NXPE2: variants seen among roughly 807,000 people sequenced by gnomAD.
The protein encoded by NXPE2 is NXPE family member 2.
A neutral mutation model predicts 34.4 loss-of-function variants in NXPE2; 34 were observed. That is an observed-to-expected ratio of 0.99 (90% CI 0.75 to 1.31). The LOEUF (loss-of-function observed/expected upper bound fraction) is 1.31, where lower values mean the gene tolerates loss of function less well. Among genes scored for constraint, NXPE2 ranks in the 40% most tolerant of loss-of-function variants. The pLI, the probability that NXPE2 is intolerant of heterozygous loss-of-function variation, is 0.00. For missense variants in NXPE2, 649 were observed against 672.5 expected, an observed-to-expected ratio of 0.97 and a Z score of 0.39; for synonymous variants, 235 against 231.3, an observed-to-expected ratio of 1.02 and a Z score of -0.15.
chr11:114,466,563 T>C, the NXPE2 span, among the ~76,000 whole-genome samples: 1 of 152,222 alleles, frequency 6.6e-6, no homozygotes, highest in South Asian at 2.1e-4. Context: ...TGAATATATA[T>C]ATATATTGTC....
At chr11:114,610,278 C>T in the NXPE2 span, among the ~76,000 whole-genome samples, 3 of 150,508 alleles carry the variant, frequency 2.0e-5, no homozygotes, top group African/African-American at 4.9e-5. Flanking sequence ...GTTGCCTACC[C>T]GGTGGATAAT....
chr11:114,503,230 T>C, the NXPE2 span, among the ~76,000 whole-genome samples: 1 of 152,176 alleles, frequency 6.6e-6, no homozygotes, highest in Admixed American at 6.5e-5. Flanking sequence ...CCCATCCATA[T>C]ACATAGAGCA....
At chr11:114,798,845 C>G in the NXPE2 span, among the ~76,000 whole-genome samples, 2 of 152,176 alleles carry the variant, frequency 1.3e-5, no homozygotes, top group Non-Finnish European at 2.9e-5. Flanking sequence ...CTGTGTCCAT[C>G]TCTTTCAATC....
chr11:114,529,855 G>A, the NXPE2 span: 913 of 266,400 alleles, frequency 3.4e-3, 11 homozygotes, highest in African/African-American at 0.018. Context: ...TATTTAAGGG[G>A]CAAAATTAAC....
chr11:114,664,616 A>G, the NXPE2 span, among the ~76,000 whole-genome samples: 1 of 152,190 alleles, frequency 6.6e-6, no homozygotes, highest in Non-Finnish European at 1.5e-5. Context: ...AGTTACATAT[A>G]TATAATTTTG....
chr11:114,725,551 C>T, the NXPE2 span, among the ~76,000 whole-genome samples: 1 of 151,918 alleles, frequency 6.6e-6, no homozygotes, highest in Non-Finnish European at 1.5e-5. Flanking sequence ...ATAGCCCCTT[C>T]AGGAAAGCAT....
the NXPE2 span, among the ~76,000 whole-genome samples, chr11:114,788,903 C>T: frequency 6.6e-6 from 1 of 152,116 alleles, no homozygotes; most frequent in South Asian, 2.1e-4. Context: ...ATTTTTACAC[C>T]ACTGGTTCCT....
At chr11:114,597,940 A>G in the NXPE2 span, among the ~76,000 whole-genome samples, 2 of 152,202 alleles carry the variant, frequency 1.3e-5, no homozygotes, top group South Asian at 2.1e-4. Flanking sequence ...TCAAAGTCTT[A>G]GTGAATTTCA....
At chr11:114,636,300 G>T in the NXPE2 span, among the ~76,000 whole-genome samples, 10 of 151,846 alleles carry the variant, frequency 6.6e-5, no homozygotes, top group Non-Finnish European at 1.5e-4. Context: ...CTGTGAGATC[G>T]GTGGTGATAT....
At chr11:114,493,127 G>A in the NXPE2 span, among the ~76,000 whole-genome samples, 1 of 151,890 alleles carries the variant, frequency 6.6e-6, no homozygotes, top group South Asian at 2.1e-4. Flanking sequence ...AGCTACTCCT[G>A]CTATACTTAA....
chr11:114,522,031 AG>A, the NXPE2 span: 1 of 1,613,972 alleles, frequency 6.2e-7, no homozygotes, highest in Non-Finnish European at 8.5e-7. Flanking sequence ...GTGGGTGGAT[AG>A]TGTCAGTGCC....
chr11:114,536,058 A>G, the NXPE2 span, among the ~76,000 whole-genome samples: 2 of 152,226 alleles, frequency 1.3e-5, no homozygotes, highest in South Asian at 4.1e-4. Context: ...CAAATGTAAA[A>G]GAACAGAAAT....
chr11:114,574,394 A>G, the NXPE2 span, among the ~76,000 whole-genome samples: 1 of 152,020 alleles, frequency 6.6e-6, no homozygotes, highest in Non-Finnish European at 1.5e-5. Flanking sequence ...CAAAAGTAAT[A>G]CAAAAATAAA....
At chr11:114,645,723 C>T in the NXPE2 span, among the ~76,000 whole-genome samples, 2 of 151,930 alleles carry the variant, frequency 1.3e-5, no homozygotes, top group African/African-American at 2.4e-5. Context: ...ATAAAGAATT[C>T]ATATAAAGTG....
the NXPE2 span, among the ~76,000 whole-genome samples, chr11:114,733,329 G>A: frequency 1.3e-5 from 2 of 152,146 alleles, no homozygotes; most frequent in African/African-American, 4.8e-5. Context: ...TCCTGACCTC[G>A]TGATCTGCCC....
At chr11:114,571,818 G>A in the NXPE2 span, among the ~76,000 whole-genome samples, 1 of 152,284 alleles carries the variant, frequency 6.6e-6, no homozygotes, top group South Asian at 2.1e-4. Flanking sequence ...TGAAGGAACA[G>A]GATCACCACT....
chr11:114,680,814 T>G (rs1055419633), intron 2 of NXPE2, among the ~76,000 whole-genome samples: 1 of 152,162 alleles, frequency 6.6e-6, no homozygotes, highest in Non-Finnish European at 1.5e-5. Context: ...CTTCCAAAAG[T>G]GAAACCTCTT....
the NXPE2 span, among the ~76,000 whole-genome samples, chr11:114,632,130 ATATAT>A: frequency 1.2e-4 from 18 of 144,108 alleles, no homozygotes; most frequent in Admixed American, 3.6e-4. Context: ...TTATAATAAA[ATATAT>A]TATAATTTAT....
downstream of NXPE2, among the ~76,000 whole-genome samples, chr11:114,710,074 A>G (rs1859584671): frequency 6.6e-6 from 1 of 152,190 alleles, no homozygotes; most frequent in African/African-American, 2.4e-5. Context: ...ACAACACACT[A>G]AAACTTATGG....
Sources: allele counts gnomAD v4.1 joint callset (sites outside exome capture counted in the v4.1 genomes callset), GRCh38; gene constraint gnomAD v4.1.1; transcripts MANE v1.5; gene names NCBI Gene and HGNC (gene_info 2026-07-23, HGNC 2026-07-21).